Variants in DCAF6 observed in about 807,000 individuals in gnomAD.
The protein encoded by DCAF6 is DDB1- and CUL4-associated factor 6.
DCAF6 carries 54 observed loss-of-function variants against 125.1 expected under a neutral mutation model. The ratio of observed to expected loss-of-function variants is 0.43; its 90% CI spans 0.35 to 0.54. DCAF6 has a LOEUF of 0.54. Among genes scored for constraint, DCAF6 ranks in the 20% least tolerant of loss-of-function variants. The pLI, the probability that DCAF6 is intolerant of heterozygous loss-of-function variation, is 0.01. For synonymous variants in DCAF6, 371 were observed against 390.4 expected (o/e 0.95, Z 0.58); for missense variants, 934 against 1,161.7 (o/e 0.80, Z 2.85).
the DCAF6 span, chr1:167,875,226 CAG>C: frequency 1.3e-6 from 2 of 1,594,754 alleles, no homozygotes; most frequent in East Asian, 4.5e-5. Context: ...AGATTCAAAA[CAG>C]GGACATATTG....
intron 21 of DCAF6, among the ~76,000 whole-genome samples, chr1:168,073,052 T>A (rs1693322170): frequency 6.6e-6 from 1 of 152,204 alleles, no homozygotes; most frequent in African/African-American, 2.4e-5. Flanking sequence ...GGCACGCTCC[T>A]GTAGTCCCAG....
At chr1:167,977,974 A>G (rs945185653) in intron 4 of DCAF6, among the ~76,000 whole-genome samples, 3 of 152,082 alleles carry the variant, frequency 2.0e-5, no homozygotes, top group Non-Finnish European at 2.9e-5. Context: ...TTTGAACGTT[A>G]TATAAATGGA....
In DCAF6 at chr1:167,936,693, G is replaced by C. The variant is rs1035300285; in HGVS notation, c.-219G>C. On this transcript the variant is annotated 5_prime_UTR_variant, in exon 1 of 22. Coordinates refer to ENST00000367840, the MANE Select transcript of DCAF6 (RefSeq NM_001198956.2). ...CTGTTGCTGATCTTTGGATGTTCTG[G>C]TTAGTCTAAGAAGGAGAGTATGAGG... 11 of 527,024 alleles carry C rather than the reference G, an allele frequency of 2.1e-5. No homozygotes were observed. The highest frequency in any genetic ancestry group is 3.4e-5 in the Non-Finnish European group (10 of 296,892). The allele number at this position is 527,024 out of a possible 1,614,324, so 32.6% of individuals were successfully genotyped here. A position where few individuals can be genotyped will look rare whatever the true frequency, so the allele number is the denominator to read the frequency against.
At chr1:167,974,382 G>A (rs192730273) in intron 3 of DCAF6, among the ~76,000 whole-genome samples, 30 of 152,128 alleles carry the variant, frequency 2.0e-4, no homozygotes, top group Non-Finnish European at 5.9e-5. Flanking sequence ...TGGATGTAGG[G>A]ACTTCTGCTG....
chr1:167,940,693 TAATAA>T (rs146960674), intron 1 of DCAF6, among the ~76,000 whole-genome samples: 2,307 of 152,276 alleles, frequency 0.015, 53 homozygotes, highest in African/African-American at 0.051. Flanking sequence ...TAAACATTGT[TAATAA>T]AATAAACTTA....
chr1:167,883,706 C>T, the DCAF6 span: 7 of 1,348,760 alleles, frequency 5.2e-6, no homozygotes, highest in East Asian at 2.3e-5. Context: ...ACCTCATACC[C>T]GAAATCATCT....
At chr1:167,934,848 A>G (rs532853470), upstream of DCAF6, among the ~76,000 whole-genome samples, 2 of 152,320 alleles carry the variant, frequency 1.3e-5, no homozygotes, top group Admixed American at 1.3e-4. Context: ...CCTAGCAAAT[A>G]AGTATTATTA....
chr1:168,044,669 TAA>T lies in DCAF6; in HGVS notation c.1929_1930del (p.Gln645IlefsTer3). 6.2e-7 allele frequency: 1 copy of T among 1,607,538 alleles called. No individual in the cohort carries two copies. Among genetic ancestry groups the T allele is most frequent in the Non-Finnish European group, 8.5e-7 (1 of 1,174,326 alleles). On this transcript the variant is annotated frameshift_variant and splice_region_variant, in exon 15 of 22. Transcript: ENST00000367840. LOFTEE classifies it high-confidence loss of function. ...AACCCAGTTGAGAACCATATCAATATAAGTGAGTTGCTCCCTTTAGATAATTG... is the reference window on the plus strand; with the variant it reads ...AACCCAGTTGAGAACCATATCAATATGTGAGTTGCTCCCTTTAGATAATTG...
the DCAF6 span, among the ~76,000 whole-genome samples, chr1:167,873,792 A>C: frequency 2.6e-5 from 4 of 152,250 alleles, no homozygotes; most frequent in Non-Finnish European, 4.4e-5. Context: ...GGGTAAGGAA[A>C]GGTATCTCAA....
chr1:167,983,835 G>A (rs1679549030), intron 4 of DCAF6, among the ~76,000 whole-genome samples: 1 of 152,134 alleles, frequency 6.6e-6, no homozygotes, highest in Non-Finnish European at 1.5e-5. Context: ...TTTTTGACAA[G>A]CACCCTTAGG....
At chr1:167,955,588 TC>T (rs1674651987) in intron 2 of DCAF6, among the ~76,000 whole-genome samples, 1 of 152,148 alleles carries the variant, frequency 6.6e-6, no homozygotes, top group Non-Finnish European at 1.5e-5. Flanking sequence ...CTTTTTTTTT[TC>T]CTTAAGATTT....
chr1:167,913,902 C>A, the DCAF6 span: 2 of 152,356 alleles, frequency 1.3e-5, no homozygotes, highest in African/African-American at 4.8e-5. Flanking sequence ...CAATAGCTGT[C>A]TTCTTTCCTG....
intron 12 of DCAF6, among the ~76,000 whole-genome samples, chr1:168,028,302 G>C (rs964617047): frequency 3.3e-5 from 5 of 151,982 alleles, no homozygotes; most frequent in African/African-American, 9.7e-5. Flanking sequence ...AATAACAACA[G>C]CAAAAAGAAT....
At chr1:167,963,188 C>G (rs1675883418) in intron 2 of DCAF6, among the ~76,000 whole-genome samples, 1 of 151,934 alleles carries the variant, frequency 6.6e-6, no homozygotes, top group Non-Finnish European at 1.5e-5. Context: ...CGCTTGAACT[C>G]AGGAGGCGGA....
chr1:167,899,297 A>G, the DCAF6 span: 1 of 942,704 alleles, frequency 1.1e-6, no homozygotes, highest in South Asian at 1.4e-5. Context: ...AGCCTAACCC[A>G]GACTGACCCC....
chr1:167,907,503 T>G, the DCAF6 span, among the ~76,000 whole-genome samples: 6 of 152,204 alleles, frequency 3.9e-5, no homozygotes, highest in African/African-American at 1.4e-4. Flanking sequence ...ATACTCATTC[T>G]ACTCCCAGAA....
the DCAF6 span, among the ~76,000 whole-genome samples, chr1:167,895,813 C>T: frequency 3.9e-5 from 6 of 151,914 alleles, no homozygotes; most frequent in South Asian, 2.1e-4. Context: ...AAGTTAAGCA[C>T]GAATAAATGG....
At chr1:168,009,058 G>A (rs577651331) in intron 10 of DCAF6, among the ~76,000 whole-genome samples, 1 of 148,464 alleles carries the variant, frequency 6.7e-6, no homozygotes, top group Admixed American at 6.7e-5. Context: ...GAGTGCAGTG[G>A]CGTGATCTCG....
At chr1:168,031,463 C>CT (rs1687080987) in intron 12 of DCAF6, among the ~76,000 whole-genome samples, 1 of 152,066 alleles carries the variant, frequency 6.6e-6, no homozygotes, top group South Asian at 2.1e-4. Context: ...TAGTAGAACA[C>CT]TTTCACTAGA....
Sources: gnomAD v4.1 joint callset for allele counts (sites outside exome capture counted in the v4.1 genomes callset) on GRCh38, gnomAD v4.1.1 for gene constraint, MANE v1.5 for transcripts, NCBI Gene and HGNC (gene_info 2026-07-23, HGNC 2026-07-21) for gene names.